MGMT: variants seen among roughly 807,000 people sequenced by gnomAD.
The protein encoded by MGMT is methylated-DNA--protein-cysteine methyltransferase.
MGMT carries 14 observed loss-of-function variants against 15.9 expected under a neutral mutation model. That is an observed-to-expected ratio of 0.88 (90% CI 0.58 to 1.37). The LOEUF (loss-of-function observed/expected upper bound fraction) is 1.37. Ranked by LOEUF, MGMT falls within the 40% of genes most tolerant of loss-of-function variation. The pLI, the probability that MGMT is intolerant of heterozygous loss-of-function variation, is 0.00. For missense variants in MGMT, 282 were observed against 268.1 expected (o/e 1.05, Z -0.36); for synonymous variants, 130 against 118.2 (o/e 1.10, Z -0.65).
intron 4 of MGMT, among the ~76,000 whole-genome samples, chr10:129,761,654 T>C (rs905283515): frequency 6.6e-6 from 1 of 152,240 alleles, no homozygotes; most frequent in Non-Finnish European, 1.5e-5. Flanking sequence ...AAAACCCTAA[T>C]GTCTGTAAAG....
chr10:129,489,306 G>A (rs1845443645), intron 1 of MGMT, among the ~76,000 whole-genome samples: 1 of 141,256 alleles, frequency 7.1e-6, no homozygotes, highest in African/African-American at 2.7e-5. Flanking sequence ...GTTGCAGTGA[G>A]CTGAGATAGC....
chr10:129,684,572 C>G (rs1208482021), intron 2 of MGMT, among the ~76,000 whole-genome samples: 1 of 152,134 alleles, frequency 6.6e-6, no homozygotes, highest in African/African-American at 2.4e-5. Flanking sequence ...TGTGAATACA[C>G]GTAAGTGATT....
intron 2 of MGMT, among the ~76,000 whole-genome samples, chr10:129,582,873 C>CT (rs779691303): frequency 6.4e-4 from 98 of 152,160 alleles, no homozygotes; most frequent in Non-Finnish European, 6.2e-4. Flanking sequence ...AGAATTATTT[C>CT]TTTTTTAGAG....
chr10:129,524,684 C>T (rs1193040991), intron 1 of MGMT, among the ~76,000 whole-genome samples: 1 of 149,428 alleles, frequency 6.7e-6, no homozygotes, highest in African/African-American at 2.5e-5. Flanking sequence ...CTCCGCCTCC[C>T]GGGTTCACGC....
chr10:129,645,400 G>A (rs1361074459), intron 2 of MGMT, among the ~76,000 whole-genome samples: 1 of 152,108 alleles, frequency 6.6e-6, no homozygotes, highest in Non-Finnish European at 1.5e-5. Flanking sequence ...GGGATTACAG[G>A]CATGAACCAC....
intron 2 of MGMT, among the ~76,000 whole-genome samples, chr10:129,657,707 G>GCACACGCACA (rs1847544760): frequency 4.5e-5 from 5 of 111,470 alleles, no homozygotes; most frequent in African/African-American, 1.6e-4. Context: ...ACACACACAC[G>GCACACGCACA]CACACACACA....
At chr10:129,687,275 T>C (rs1011622617) in intron 2 of MGMT, among the ~76,000 whole-genome samples, 1 of 152,124 alleles carries the variant, frequency 6.6e-6, no homozygotes. Context: ...TTACCTTAGG[T>C]ACATATATTG....
At chr10:129,649,621 T>TGA (rs1189220497) in intron 2 of MGMT, among the ~76,000 whole-genome samples, 2 of 152,224 alleles carry the variant, frequency 1.3e-5, no homozygotes, top group Admixed American at 6.5e-5. Context: ...CTCCTCAGGT[T>TGA]GAGAGAGAGA....
At chr10:129,513,238 G>GT (rs1193544296) in intron 1 of MGMT, among the ~76,000 whole-genome samples, 1 of 151,544 alleles carries the variant, frequency 6.6e-6, no homozygotes, top group African/African-American at 2.4e-5. Context: ...GTGCTGGGGG[G>GT]TGGGGAGAGC....
At chr10:129,555,725 A>AG (rs1264814059) in intron 2 of MGMT, among the ~76,000 whole-genome samples, 7 of 152,146 alleles carry the variant, frequency 4.6e-5, no homozygotes, top group East Asian at 3.9e-4. Context: ...TAAAAAAAAA[A>AG]TAAAATAAAA....
chr10:129,705,868 G>A (rs1442263173), intron 2 of MGMT, among the ~76,000 whole-genome samples: 1 of 151,860 alleles, frequency 6.6e-6, no homozygotes. Flanking sequence ...AGGCCAGGGA[G>A]ACCAGCAGAA....
rs950973279 is a variant in MGMT, at chr10:129,659,104, C to T, written c.126-48791C>T. On this transcript the variant is annotated intron_variant, in intron 2 of 4. Coordinates refer to ENST00000651593, the MANE Select transcript of MGMT (RefSeq NM_002412.5). The surrounding 1 kb of genome is among the most constrained non-coding windows in gnomAD (Gnocchi z 4.1). Reference sequence around the variant, plus strand: ...GGGTGCAGTGGCTCACACCTGTAATCCCAACACTTTGGGAGGCCGAGGCAG... The same window carrying T: ...GGGTGCAGTGGCTCACACCTGTAATTCCAACACTTTGGGAGGCCGAGGCAG... 2.6e-5 allele frequency among the ~76,000 whole-genome samples: 4 copies of T among 152,156 alleles called. No individual in the cohort carries two copies. Among genetic ancestry groups the T allele is most frequent in the Non-Finnish European group, 2.9e-5 (2 of 68,026 alleles).
intron 1 of MGMT, among the ~76,000 whole-genome samples, chr10:129,534,212 A>G (rs1181281987): frequency 1.3e-5 from 2 of 152,110 alleles, no homozygotes; most frequent in Non-Finnish European, 2.9e-5. Flanking sequence ...CCCCTGCCAC[A>G]TGGTAAGTGG....
Position 129,766,768 on chromosome 10 carries a change from G to A in MGMT, c.415-20G>A. 1 of 1,604,634 alleles carries A rather than the reference G, an allele frequency of 6.2e-7. No individual in the cohort carries two copies. Among genetic ancestry groups the A allele is most frequent in the Non-Finnish European group, 8.5e-7 (1 of 1,176,038 alleles). On this transcript the variant is annotated intron_variant, in intron 4 of 4. Transcript: ENST00000651593. ...TTGTCCAGATCCCTGACTGACAGTG[G>A]CTGCCCCCCTGTCTTCCAGGTCCCC...
At chr10:129,578,696 C>T (rs1407556722) in intron 2 of MGMT, among the ~76,000 whole-genome samples, 1 of 152,096 alleles carries the variant, frequency 6.6e-6, no homozygotes, top group African/African-American at 2.4e-5. Context: ...AAGAAAGAAA[C>T]AAGATGAGCT....
At chr10:129,615,439 A>G (rs1847013882) in intron 2 of MGMT, among the ~76,000 whole-genome samples, 2 of 151,996 alleles carry the variant, frequency 1.3e-5, no homozygotes, top group Admixed American at 1.3e-4. Context: ...CTTAAAGTGG[A>G]TCTTCTGCAG....
intron 1 of MGMT, among the ~76,000 whole-genome samples, chr10:129,525,290 A>G (rs988384300): frequency 3.3e-5 from 5 of 152,192 alleles, no homozygotes; most frequent in African/African-American, 1.2e-4. Flanking sequence ...AAAGAAAACC[A>G]GATTTTATTT....
chr10:129,705,244 C>T (rs1227445413), intron 2 of MGMT, among the ~76,000 whole-genome samples: 1 of 152,166 alleles, frequency 6.6e-6, no homozygotes, highest in Non-Finnish European at 1.5e-5. Flanking sequence ...ACTTTAGATC[C>T]CAGCTTTGCC....
chr10:129,555,043 G>A (rs1033449639), intron 2 of MGMT, among the ~76,000 whole-genome samples: 6 of 152,152 alleles, frequency 3.9e-5, no homozygotes, highest in Non-Finnish European at 5.9e-5. Context: ...TTAGAACAAC[G>A]CCACCCCATA....
Sources: gnomAD v4.1 joint callset for allele counts (sites outside exome capture counted in the v4.1 genomes callset) on GRCh38, gnomAD v4.1.1 for gene constraint, Gnocchi (gnomAD v3.1) non-coding constraint, MANE v1.5 for transcripts, NCBI Gene and HGNC (gene_info 2026-07-23, HGNC 2026-07-21) for gene names.